HECW2: variants seen among roughly 807,000 people sequenced by gnomAD.
HECW2 encodes the protein E3 ubiquitin-protein ligase HECW2.
A neutral mutation model predicts 175.2 loss-of-function variants in HECW2; 61 were observed. The observed-to-expected ratio is 0.35, with a 90% CI of 0.28 to 0.43. The LOEUF (loss-of-function observed/expected upper bound fraction) is 0.43, where lower values mean the gene tolerates loss of function less well. HECW2 is among the 20% of genes least tolerant of loss of function. The pLI is 1.00. For missense variants in HECW2, 1,524 were observed against 2,000.5 expected (o/e 0.76, Z 4.54); for synonymous variants, 671 against 731.0 (o/e 0.92, Z 1.32).
chr2:196,453,160 C>G (rs536120334), intron 1 of HECW2, among the ~76,000 whole-genome samples: 1 of 152,278 alleles, frequency 6.6e-6, no homozygotes, highest in Non-Finnish European at 1.5e-5. Flanking sequence ...GGCTTCATTC[C>G]TCTTTAAGGA....
chr2:196,223,214 C>T (rs772314864), intron 23 of HECW2, among the ~76,000 whole-genome samples: 14 of 151,984 alleles, frequency 9.2e-5, no homozygotes, highest in Non-Finnish European at 1.6e-4. Context: ...TAATATAAAG[C>T]GATAAGTGAT....
Position 196,199,036 on chromosome 2 carries a change from A to C in HECW2, c.*2241T>G, listed in dbSNP as rs1462280441. On this transcript the variant is annotated 3_prime_UTR_variant, in exon 29 of 29. Transcript: ENST00000644978. The stretch of plus-strand genomic sequence containing the variant: ...ATACATTTTATTTCAAATATCTTTT[A>C]CCTAATAATATGAAATACCATAACT... 6.6e-6 allele frequency: 1 copy of C among 152,302 alleles called. No homozygotes were observed. Among genetic ancestry groups the C allele is most frequent in the Non-Finnish European group, 1.5e-5 (1 of 67,992 alleles). 9.4% of individuals were successfully genotyped at this position (152,302 alleles called of 1,614,324 possible).
chr2:196,577,548 C>T (rs1046713106), intron 1 of HECW2, among the ~76,000 whole-genome samples: 12 of 152,082 alleles, frequency 7.9e-5, no homozygotes, highest in Non-Finnish European at 1.8e-4. Flanking sequence ...CTGACGTATT[C>T]CTTAGACTCT....
rs563675922 is a variant in HECW2 at position 196,526,433 on chromosome 2, G to A, written c.-36+67075C>T. ...TTGCCTTTGGTTTGAATGTCCTCCC[G>A]TAGCTCAGAGTAATTTGATCGTCTG... On this transcript the variant is annotated intron_variant, in intron 1 of 28. Transcript: ENST00000644978. Among the ~76,000 whole-genome samples the A allele has an allele frequency of 8.7e-3, 1,296 of 148,770 alleles. 5 individuals carry two copies. The highest frequency in any genetic ancestry group is 0.014 in the Non-Finnish European group (947 of 67,056).
At chr2:196,519,970 T>G (rs1688295658) in intron 1 of HECW2, among the ~76,000 whole-genome samples, 2 of 152,180 alleles carry the variant, frequency 1.3e-5, no homozygotes, top group Non-Finnish European at 2.9e-5. Flanking sequence ...AGAGATAAGT[T>G]TTCATTAGTG....
chr2:196,248,623 C>CAGAGAGAG (rs10641361), intron 19 of HECW2, among the ~76,000 whole-genome samples: 2 of 148,468 alleles, frequency 1.3e-5, no homozygotes, highest in African/African-American at 5.2e-5. Context: ...CACACACACA[C>CAGAGAGAG]ACACACACAG....
At chr2:196,237,877 G>A (rs535829035) in intron 21 of HECW2, among the ~76,000 whole-genome samples, 10 of 152,162 alleles carry the variant, frequency 6.6e-5, no homozygotes, top group African/African-American at 1.9e-4. Context: ...AAGATGCTTC[G>A]GGCTGCATCT....
intron 19 of HECW2, among the ~76,000 whole-genome samples, chr2:196,251,444 C>T (rs2105908308): frequency 6.6e-6 from 1 of 152,288 alleles, no homozygotes; most frequent in African/African-American, 2.4e-5. Flanking sequence ...TTGCTTTCAA[C>T]CTCTCCTGTG....
In HECW2 at chr2:196,539,049, A is replaced by T. The variant is rs1689115844; in HGVS notation, c.-36+54459T>A. Among the ~76,000 whole-genome samples, 3 of 152,342 alleles carry T rather than the reference A, an allele frequency of 2.0e-5. 1 individual carries two copies. In the South Asian group the frequency reaches 6.2e-4, roughly 32 times the overall value. On this transcript the variant is annotated intron_variant, in intron 1 of 28. Transcript: ENST00000644978. ...AACTTTTTTAGTCCTAAAAGTAAGG[A>T]ACTATTGCCCAAAAGGCATGAATAG... is the stretch of plus-strand genomic sequence containing the variant.
intron 10 of HECW2, among the ~76,000 whole-genome samples, chr2:196,308,620 C>T (rs565114135): frequency 2.0e-5 from 3 of 152,192 alleles, no homozygotes; most frequent in African/African-American, 7.2e-5. Flanking sequence ...TATCTACAAA[C>T]TTCTATTTGC....
chr2:196,299,983 C>T (rs570525212), intron 13 of HECW2, among the ~76,000 whole-genome samples: 2 of 152,012 alleles, frequency 1.3e-5, no homozygotes, highest in Non-Finnish European at 1.5e-5. Context: ...ACTATTTATC[C>T]AGTCTCTACT....
chr2:196,403,617 G>T (rs1694880137), intron 2 of HECW2, among the ~76,000 whole-genome samples: 1 of 152,172 alleles, frequency 6.6e-6, no homozygotes, highest in Admixed American at 6.5e-5. Flanking sequence ...AAGTTTTACA[G>T]CTAACCTAGT....
In HECW2 at chr2:196,460,107, AT is replaced by A. The variant is rs1243198652; in HGVS notation, c.-35-26650del. Among the ~76,000 whole-genome samples the A allele has an allele frequency of 4.6e-5, 7 of 152,214 alleles. No homozygotes were observed. The South Asian group carries it at 1.5e-3, about 32-fold the overall frequency. Reference sequence around the variant, plus strand: ...GCTACCCTGCAGGCTGCAACCCTTTATGAAAAATAAAGCTCTCCTTTCCAAA... The same window carrying A: ...GCTACCCTGCAGGCTGCAACCCTTTAGAAAAATAAAGCTCTCCTTTCCAAA... On this transcript the variant is annotated intron_variant, in intron 1 of 28. Coordinates refer to ENST00000644978, the MANE Select transcript of HECW2 (RefSeq NM_001348768.2).
chr2:196,317,321 C>T lies in HECW2; in HGVS notation c.2387G>A (p.Arg796His), dbSNP rs763718773. 28 of 1,613,440 alleles carry T rather than the reference C, an allele frequency of 1.7e-5. No homozygotes were observed. Among genetic ancestry groups the T allele is most frequent in the Admixed American group, 8.3e-5 (5 of 59,928 alleles). Residue 796 changes from arginine (R) to histidine (H), a missense_variant, in exon 10 of 29, where the codon CGC (arginine) becomes CAC (histidine). Transcript: ENST00000644978. ...CCTCTGGTACCGGCTAACATCCTGG[C>T]GCACTGAAGGTAGTGATCGCAGTGG... Reference protein sequence around the residue: ...HQPLRSLPSVRQDVSRYQRVD... With the variant: ...HQPLRSLPSVHQDVSRYQRVD...
At chr2:196,312,512 T>C (rs1691535823) in intron 10 of HECW2, among the ~76,000 whole-genome samples, 1 of 152,176 alleles carries the variant, frequency 6.6e-6, no homozygotes, top group Admixed American at 6.5e-5. Context: ...AAAATTCCAT[T>C]TGTATAAAGT....
At chr2:196,522,025 A>C (rs1248697229) in intron 1 of HECW2, among the ~76,000 whole-genome samples, 2 of 152,166 alleles carry the variant, frequency 1.3e-5, no homozygotes, top group African/African-American at 4.8e-5. Context: ...GTCAAATGGT[A>C]TTTCTAGTTC....
At chr2:196,440,010 G>A (rs1344673642) in intron 1 of HECW2, among the ~76,000 whole-genome samples, 1 of 152,192 alleles carries the variant, frequency 6.6e-6, no homozygotes. Context: ...GGACTAAATT[G>A]TGGATTTTCA....
At position 196,589,519 on chromosome 2, in the gene HECW2, G is replaced by A. The variant is rs574304256; in HGVS notation, c.-36+3989C>T. On this transcript the variant is annotated intron_variant, in intron 1 of 28. Coordinates refer to ENST00000644978, the MANE Select transcript of HECW2 (RefSeq NM_001348768.2). ...AGACACAACAGTTCTCCCTCTCTGC[G>A]ACCCCTCTGTATGAAAAGCTGAGAC... 5.3e-5 allele frequency among the ~76,000 whole-genome samples: 8 copies of A among 152,176 alleles called. No homozygotes were observed. In the South Asian group the frequency reaches 8.3e-4, roughly 16 times the overall value.
intron 1 of HECW2, chr2:196,592,892 A>C (rs76967656): frequency 1 from 150,353 of 150,354 alleles, 75,176 homozygotes; most frequent in Middle Eastern, 1. Context: ...GTGCGCGCCG[A>C]GGAGAAAGCA....
Sources: gnomAD v4.1 joint callset for allele counts (sites outside exome capture counted in the v4.1 genomes callset) on GRCh38, gnomAD v4.1.1 for gene constraint, MANE v1.5 for transcripts, NCBI Gene and HGNC (gene_info 2026-07-23, HGNC 2026-07-21) for gene names.